Variants in NDST4 observed in about 807,000 individuals in gnomAD.
NDST4 encodes N-deacetylase and N-sulfotransferase 4.
NDST4 carries 63 observed loss-of-function variants against 100.8 expected under a neutral mutation model. The observed-to-expected ratio is 0.62, with a 90% CI of 0.51 to 0.77. The LOEUF (loss-of-function observed/expected upper bound fraction) is 0.77. Among genes scored for constraint, NDST4 ranks in the 30% least tolerant of loss-of-function variants. NDST4 has a pLI of 0.00. For missense variants in NDST4, 943 were observed against 1,018.4 expected, an observed-to-expected ratio of 0.93 and a Z score of 1.01; for synonymous variants, 377 against 361.8, an observed-to-expected ratio of 1.04 and a Z score of -0.48.
rs533118936 is a variant in NDST4 at position 114,961,440 on chromosome 4, G to A, written c.1221+8990C>T. On this transcript the variant is annotated intron_variant, in intron 4 of 13. Transcript: ENST00000264363. ...GTTATTTGACATGATCAACTAAATT[G>A]GAAAAACTTTAGATAGACCAAGTGG... Among the ~76,000 whole-genome samples the A allele has an allele frequency of 3.3e-5, 5 of 151,962 alleles. No individual in the cohort carries two copies. In the South Asian group the frequency reaches 1.0e-3, roughly 32 times the overall value.
chr4:115,021,568 C>A (rs62650538), intron 2 of NDST4, among the ~76,000 whole-genome samples: 13,127 of 37,358 alleles, frequency 0.35, 1,680 homozygotes, highest in Non-Finnish European at 0.51. Flanking sequence ...TACACACGTT[C>A]CACATATACA....
chr4:114,835,921 C>G (rs1723296539), intron 11 of NDST4, among the ~76,000 whole-genome samples: 1 of 152,190 alleles, frequency 6.6e-6, no homozygotes, highest in Non-Finnish European at 1.5e-5. Context: ...TTATCAGAGA[C>G]TAGGATTGCA....
At chr4:114,982,976 A>C (rs1388139176) in intron 2 of NDST4, among the ~76,000 whole-genome samples, 1 of 152,212 alleles carries the variant, frequency 6.6e-6, no homozygotes, top group African/African-American at 2.4e-5. Context: ...TGCAAGCTCC[A>C]AGCCTTGGTG....
chr4:114,978,809 A>G (rs1223909203), intron 2 of NDST4, among the ~76,000 whole-genome samples: 2 of 151,720 alleles, frequency 1.3e-5, no homozygotes, highest in Non-Finnish European at 2.9e-5. Flanking sequence ...AATTTCATCC[A>G]CTTATCTTTC....
intron 3 of NDST4, among the ~76,000 whole-genome samples, chr4:114,970,909 A>C (rs1463040663): frequency 6.6e-6 from 1 of 152,158 alleles, no homozygotes; most frequent in Non-Finnish European, 1.5e-5. Flanking sequence ...TTAAATGTTA[A>C]GGGTAATTCT....
chr4:114,981,696 T>C (rs1472746114), intron 2 of NDST4, among the ~76,000 whole-genome samples: 1 of 152,208 alleles, frequency 6.6e-6, no homozygotes, highest in East Asian at 1.9e-4. Context: ...TGAGTTAGTA[T>C]ACTATTTATA....
intron 2 of NDST4, among the ~76,000 whole-genome samples, chr4:115,050,644 G>A (rs1334438169): frequency 6.6e-6 from 1 of 152,072 alleles, no homozygotes; most frequent in Non-Finnish European, 1.5e-5. Flanking sequence ...TGGAATTATA[G>A]TTTGTAACAT....
At position 114,839,439 on chromosome 4, in the gene NDST4, A is replaced by T; in HGVS notation, c.2225T>A (p.Leu742Gln). The T allele has an allele frequency of 6.2e-7, 1 of 1,613,962 alleles. No homozygotes were observed. The highest frequency in any genetic ancestry group is 1.3e-5 in the African/African-American group (1 of 75,066). The change falls in exon 11 of 14, where the codon CTA becomes CAA. Residue 742 changes from leucine to glutamine, a missense_variant. Leu to Gln is a moderately radical substitution (Grantham distance 113). Coordinates refer to ENST00000264363, the MANE Select transcript of NDST4 (RefSeq NM_022569.3). ...SDLKTLQRRCLVPGWYAVHIE... is the reference protein window; with the variant it reads ...SDLKTLQRRCQVPGWYAVHIE... ...GTGGACTGCATACCATCCAGGTACT[A>T]GGCATCTTCTCTGCAAAGTTTTTAA...
intron 1 of NDST4, among the ~76,000 whole-genome samples, chr4:115,089,378 A>C (rs1192355462): frequency 1.5e-5 from 1 of 65,826 alleles, no homozygotes; most frequent in African/African-American, 1.1e-4. Context: ...AAGCACAAAA[A>C]TGTAGGATCT....
At chr4:114,909,551 T>C (rs1725020817) in intron 6 of NDST4, among the ~76,000 whole-genome samples, 1 of 150,364 alleles carries the variant, frequency 6.7e-6, no homozygotes, top group Admixed American at 6.6e-5. Flanking sequence ...TCCCAGCTAC[T>C]CGGGAGGCTG....
intron 1 of NDST4, among the ~76,000 whole-genome samples, chr4:115,085,552 G>A (rs536953239): frequency 2.6e-5 from 4 of 152,196 alleles, no homozygotes; most frequent in African/African-American, 9.6e-5. Flanking sequence ...TGAATCATGA[G>A]GGTGGTTACC....
intron 3 of NDST4, 32 bp downstream of exon 3, chr4:114,977,155 T>G (rs367951601): frequency 7.8e-7 from 1 of 1,276,528 alleles, no homozygotes; most frequent in Non-Finnish European, 1.1e-6. Context: ...TATTTATATG[T>G]AGCTGCCTGA....
At chr4:115,109,679 C>T (rs1001836129) in intron 1 of NDST4, among the ~76,000 whole-genome samples, 12 of 151,750 alleles carry the variant, frequency 7.9e-5, no homozygotes, top group African/African-American at 2.9e-4. Context: ...TTCAAAATTT[C>T]AACTAATTAA....
chr4:115,041,009 T>C (rs1382691873), intron 2 of NDST4, among the ~76,000 whole-genome samples: 1 of 152,066 alleles, frequency 6.6e-6, no homozygotes, highest in African/African-American at 2.4e-5. Flanking sequence ...TTATGAACTC[T>C]ACCTCTGAGT....
chr4:114,940,111 T>C (rs770098278), intron 4 of NDST4, among the ~76,000 whole-genome samples: 1 of 152,192 alleles, frequency 6.6e-6, no homozygotes, highest in Non-Finnish European at 1.5e-5. Flanking sequence ...TCTATAAATA[T>C]AGACACGTAA....
intron 2 of NDST4, among the ~76,000 whole-genome samples, chr4:114,987,361 G>A (rs1726936829): frequency 6.6e-6 from 1 of 152,100 alleles, no homozygotes; most frequent in South Asian, 2.1e-4. Flanking sequence ...GCAAAATCCT[G>A]GCTTTTGTGT....
intron 11 of NDST4, among the ~76,000 whole-genome samples, chr4:114,836,516 T>A (rs1223366141): frequency 6.6e-6 from 1 of 152,206 alleles, no homozygotes; most frequent in Non-Finnish European, 1.5e-5. Context: ...CCTTTGTAGG[T>A]AACCTGACCT....
intron 2 of NDST4, among the ~76,000 whole-genome samples, chr4:114,995,600 T>C (rs116507006): frequency 0.018 from 2,793 of 152,196 alleles, 95 homozygotes; most frequent in African/African-American, 0.064. Context: ...CTAAATGATG[T>C]TAAACAATCC....
rs1370305933 is a variant in NDST4, at chr4:114,977,214, C to T, written c.1039G>A (p.Gly347Arg). 1.2e-6 allele frequency: 2 copies of T among 1,610,028 alleles called. No homozygotes were observed. Among genetic ancestry groups the T allele is most frequent in the Non-Finnish European group, 1.7e-6 (2 of 1,177,556 alleles). ...TQVANFTFNLGFSGKFYHTGT... is the reference protein window; with the variant it reads ...TQVANFTFNLRFSGKFYHTGT... ...GTGTGGTAAAACTTCCCTGAAAATC[C>T]AAGGTTGAAGGTAAAATTTGCAACC... is the stretch of plus-strand genomic sequence containing the variant. Residue 347 changes from glycine to arginine, a missense_variant, in exon 3 of 14, where the codon GGA becomes AGA. Coordinates refer to ENST00000264363, the MANE Select transcript of NDST4 (RefSeq NM_022569.3).
Sources: gnomAD v4.1 joint callset for allele counts (sites outside exome capture counted in the v4.1 genomes callset) on GRCh38, gnomAD v4.1.1 for gene constraint, MANE v1.5 for transcripts, NCBI Gene and HGNC (gene_info 2026-07-23, HGNC 2026-07-21) for gene names.